GSR: variants seen among roughly 807,000 people sequenced by gnomAD.
GSR encodes glutathione reductase, mitochondrial.
Under a neutral mutation model 56.5 loss-of-function variants are expected in GSR, and 48 were observed. The observed-to-expected ratio is 0.85, with a 90% CI of 0.67 to 1.08. The LOEUF is 1.08. Among genes scored for constraint, GSR ranks in the 50% least tolerant of loss-of-function variants. The probability of loss-of-function intolerance (pLI) is 0.00; values close to 1 mark genes in which losing one functional copy is unlikely to be tolerated. For synonymous variants in GSR, 264 were observed against 270.8 expected (o/e 0.97, Z 0.25); for missense variants, 694 against 703.3 (o/e 0.99, Z 0.15).
At chr8:30,724,543 C>CATT in intron 1 of GSR, among the ~76,000 whole-genome samples, 1 of 41,402 alleles carries the variant, frequency 2.4e-5, no homozygotes, top group East Asian at 8.3e-4. Context: ...CAACCCCCCA[C>CATT]CTTTTTTTTT....
In GSR at chr8:30,712,097, A is replaced by G; in HGVS notation, c.307-9T>C. The stretch of plus-strand genomic sequence containing the variant: ...ACACATCCAACATTCACCTGGAAAA[A>G]AAAAAAAGAGACACACTTTAAGAAT... On this transcript the variant is annotated splice_polypyrimidine_tract_variant and intron_variant, in intron 1 of 12. Transcript: ENST00000221130. The G allele has an allele frequency of 7.0e-7, 1 of 1,425,074 alleles. No individual in the cohort carries two copies. The highest frequency in any genetic ancestry group is 9.8e-7 in the Non-Finnish European group (1 of 1,017,482). 88.3% of individuals were successfully genotyped at this position (1,425,074 alleles called of 1,614,324 possible).
chr8:30,718,735 A>G (rs1213366336), intron 1 of GSR, among the ~76,000 whole-genome samples: 1 of 152,032 alleles, frequency 6.6e-6, no homozygotes, highest in African/African-American at 2.4e-5. Context: ...GGCATTAATG[A>G]GGGATAAGAA....
rs1351626965 is a variant in GSR at position 30,709,910 on chromosome 8, A to T, written c.334-8T>A. The T allele has an allele frequency of 3.0e-6, 4 of 1,349,586 alleles. No homozygotes were observed. In the African/African-American group the frequency reaches 4.3e-5, roughly 15 times the overall value. 83.6% of individuals were successfully genotyped at this position (1,349,586 alleles called of 1,614,324 possible). ...AGCTGTGTTCCACATTACCTGTAAA[A>T]AAAAAAAAAAAAAAGGATCCAAAAC... On this transcript the variant is annotated splice_region_variant and splice_polypyrimidine_tract_variant and intron_variant, in intron 2 of 12. Coordinates refer to ENST00000221130, the MANE Select transcript of GSR (RefSeq NM_000637.5).
intron 1 of GSR, among the ~76,000 whole-genome samples, chr8:30,717,337 G>A (rs776190785): frequency 2.0e-5 from 3 of 152,152 alleles, no homozygotes; most frequent in Non-Finnish European, 4.4e-5. Context: ...GTCCTCTCAC[G>A]TTAGCCTCCC....
chr8:30,681,992 T>G lies in GSR; in HGVS notation c.1223A>C (p.Tyr408Ser). The G allele has an allele frequency of 6.2e-7, 1 of 1,613,356 alleles. No individual in the cohort carries two copies. The highest frequency in any genetic ancestry group is 8.5e-7 in the Non-Finnish European group (1 of 1,179,246). ...FEYKEDSKLDYNNIPTVVFSH... is the reference protein window; with the variant it reads ...FEYKEDSKLDSNNIPTVVFSH... ...GAAGACCACAGTTGGGATGTTGTTA[T>G]AATCTAATTTGGAATCTTCCTTATA... is the stretch of plus-strand genomic sequence containing the variant. The change falls in exon 11 of 13, where the codon TAT becomes TCT. Residue 408 changes from tyrosine (Y) to serine (S), a missense_variant. Coordinates refer to ENST00000221130, the MANE Select transcript of GSR (RefSeq NM_000637.5).
At chr8:30,716,429 T>G (rs1804335584) in intron 1 of GSR, among the ~76,000 whole-genome samples, 1 of 152,210 alleles carries the variant, frequency 6.6e-6, no homozygotes, top group Non-Finnish European at 1.5e-5. Context: ...TGAACAGGCC[T>G]CCAGGGATTT....
In GSR at chr8:30,725,560, G is replaced by GA. The variant is rs552511651; in HGVS notation, c.306+1969dup. 1.4e-3 allele frequency among the ~76,000 whole-genome samples: 185 copies of GA among 133,170 alleles called. 1 individual carries two copies. The highest frequency in any genetic ancestry group is 2.2e-3 in the Non-Finnish European group (137 of 61,668). 87.4% of individuals were successfully genotyped at this position (133,170 alleles called of 152,430 possible). A position where few individuals can be genotyped will look rare whatever the true frequency, so the allele number is the denominator to read the frequency against. ...GGGTGACAGAGCAAGACTCCATATC[G>GA]AAAAAAAAATAGATAAATACATTTT... is the stretch of plus-strand genomic sequence containing the variant. On this transcript the variant is annotated intron_variant, in intron 1 of 12. Coordinates refer to ENST00000221130, the MANE Select transcript of GSR (RefSeq NM_000637.5).
intron 10 of GSR, among the ~76,000 whole-genome samples, chr8:30,683,690 G>A (rs1803031649): frequency 6.6e-6 from 1 of 150,790 alleles, no homozygotes. Context: ...AGCCCAGGAA[G>A]GTTGAAACTG....
chr8:30,696,694 A>T (rs1447357426), intron 6 of GSR, among the ~76,000 whole-genome samples: 2 of 151,976 alleles, frequency 1.3e-5, no homozygotes, highest in Non-Finnish European at 2.9e-5. Context: ...TAGACTGCAG[A>T]TTTTCACTTT....
chr8:30,703,189 G>A lies in GSR; in HGVS notation c.544C>T (p.Pro182Ser). Reference protein sequence around the residue: ...GHAAFTSDPKPTIEVSGKKYT... With the variant: ...GHAAFTSDPKSTIEVSGKKYT... ...TTTTTCCCACTGACCTCTATTGTGG[G>A]CTTGGGATCACTCGTGAAGGCTGCA... is the stretch of plus-strand genomic sequence containing the variant. Residue 182 changes from proline (P) to serine (S), a missense_variant, in exon 5 of 13, where the codon CCC (proline) becomes TCC (serine). Transcript: ENST00000221130. The A allele has an allele frequency of 1.2e-6, 2 of 1,613,886 alleles. No individual in the cohort carries two copies. The highest frequency in any genetic ancestry group is 1.1e-5 in the South Asian group (1 of 91,076).
intron 6 of GSR, among the ~76,000 whole-genome samples, chr8:30,699,659 G>A (rs1293853094): frequency 6.6e-6 from 1 of 151,338 alleles, no homozygotes; most frequent in Non-Finnish European, 1.5e-5. Flanking sequence ...GGCCAGGCTG[G>A]TCTCGAGCTC....
intron 3 of GSR, 40 bp downstream of exon 3, chr8:30,709,774 C>T (rs1804061875): frequency 9.0e-7 from 1 of 1,116,650 alleles, no homozygotes; most frequent in Non-Finnish European, 1.4e-6. Flanking sequence ...AGAAAAATAT[C>T]TACACTTGGA....
At chr8:30,692,495 C>CTT (rs71206280) in intron 8 of GSR, among the ~76,000 whole-genome samples, 12,299 of 58,910 alleles carry the variant, frequency 0.21, 2,828 homozygotes, top group South Asian at 0.31. Context: ...CACACCCAGA[C>CTT]TTTTTTTTTT....
At chr8:30,702,248 A>G (rs1803769885) in intron 5 of GSR, among the ~76,000 whole-genome samples, 1 of 150,422 alleles carries the variant, frequency 6.6e-6, no homozygotes, top group South Asian at 2.1e-4. Flanking sequence ...TGAACCCAGG[A>G]GGTGGAGGTT....
chr8:30,694,305 T>C (rs1317838834), intron 7 of GSR, among the ~76,000 whole-genome samples: 2 of 152,154 alleles, frequency 1.3e-5, no homozygotes, highest in African/African-American at 2.4e-5. Context: ...CCAAAGGCAT[T>C]ATGTGGCTTG....
At chr8:30,681,677 TA>T (rs1343166724) in intron 11 of GSR, among the ~76,000 whole-genome samples, 1 of 152,054 alleles carries the variant, frequency 6.6e-6, no homozygotes, top group Non-Finnish European at 1.5e-5. Context: ...AGCTTTTCTT[TA>T]AATTTAAAAT....
chr8:30,685,464 A>AC (rs1803129447), intron 9 of GSR, among the ~76,000 whole-genome samples: 1 of 152,158 alleles, frequency 6.6e-6, no homozygotes. Flanking sequence ...ACTCTAAAAC[A>AC]TACTGATGTT....
chr8:30,710,803 T>C (rs942845337), intron 2 of GSR, among the ~76,000 whole-genome samples: 1 of 141,346 alleles, frequency 7.1e-6, no homozygotes, highest in African/African-American at 2.6e-5. Flanking sequence ...GTCTACCGCA[T>C]GTGATCAGAA....
intron 1 of GSR, among the ~76,000 whole-genome samples, chr8:30,721,980 C>T (rs1804554734): frequency 1.3e-5 from 2 of 150,952 alleles, no homozygotes; most frequent in South Asian, 2.1e-4. Flanking sequence ...GGTACCACTA[C>T]ATTCCAGCCT....
Sources: allele counts gnomAD v4.1 joint callset (sites outside exome capture counted in the v4.1 genomes callset), GRCh38; gene constraint gnomAD v4.1.1; transcripts MANE v1.5; gene names NCBI Gene and HGNC (gene_info 2026-07-23, HGNC 2026-07-21).